The following KBTBD11 variants were observed in gnomAD, a reference collection of about 807,000 sequenced individuals.
KBTBD11 encodes the protein kelch repeat and BTB domain-containing protein 11.
For synonymous variants in KBTBD11, 747 were observed against 499.0 expected (o/e 1.50, Z -6.63); for missense variants, 1,390 against 1,001.8 (o/e 1.39, Z -5.23).
intron 1 of KBTBD11, among the ~76,000 whole-genome samples, chr8:1,986,829 ATGTTATCG>A (rs1252479465): frequency 6.6e-6 from 1 of 152,088 alleles, no homozygotes; most frequent in Non-Finnish European, 1.5e-5. Context: ...GATTTAATAC[ATGTTATCG>A]TTTTGCCACT....
intron 1 of KBTBD11, among the ~76,000 whole-genome samples, chr8:1,990,140 C>A (rs1242581668): frequency 1.3e-5 from 2 of 152,206 alleles, no homozygotes; most frequent in African/African-American, 2.4e-5. Context: ...AGCTGTGAGA[C>A]TGAAATGGGA....
chr8:2,001,765 C>A lies in KBTBD11; in HGVS notation c.573C>A (p.Ala191=). Residue 191 remains alanine (A), a synonymous_variant, in exon 2 of 2, where the codon GCC becomes GCA. Coordinates refer to ENST00000320248, the MANE Select transcript of KBTBD11 (RefSeq NM_014867.3). ...LTALRLLLAD[A]YSGRMAGVRP... is the part of the protein sequence containing the mutation. The stretch of plus-strand genomic sequence containing the variant: ...CGCTGCGGCTGCTCCTCGCCGACGC[C>A]TACAGCGGGCGCATGGCGGGCGTGC... The A allele has an allele frequency of 7.7e-7, 1 of 1,291,696 alleles. No homozygotes were observed. The highest frequency in any genetic ancestry group is 9.8e-7 in the Non-Finnish European group (1 of 1,022,542). 80.0% of individuals were successfully genotyped at this position (1,291,696 alleles called of 1,614,324 possible).
At chr8:1,986,551 T>A (rs1191691333) in intron 1 of KBTBD11, among the ~76,000 whole-genome samples, 1 of 152,184 alleles carries the variant, frequency 6.6e-6, no homozygotes, top group Non-Finnish European at 1.5e-5. Flanking sequence ...AAACACGAGT[T>A]TTTATTTAGA....
At chr8:1,996,558 G>C (rs373111772) in intron 1 of KBTBD11, among the ~76,000 whole-genome samples, 1 of 152,146 alleles carries the variant, frequency 6.6e-6, no homozygotes, top group South Asian at 2.1e-4. Flanking sequence ...TTGAGCCACC[G>C]CGCCTGGCTG....
rs371725635 is a variant in KBTBD11 at position 1,976,690 on chromosome 8, A to G, written c.-909+2755A>G. ...TAATACAGTGAAAGGCATTCAGCAT[A>G]TAATTACGTTAATTCTTAGGTAATA... On this transcript the variant is annotated intron_variant, in intron 1 of 1. Transcript: ENST00000320248. 1.5e-4 allele frequency among the ~76,000 whole-genome samples: 23 copies of G among 152,200 alleles called. 1 individual carries two copies. The highest frequency in any genetic ancestry group is 1.0e-3 in the Admixed American group (16 of 15,278).
At chr8:1,993,358 GGTCCATCC>G (rs1312685496) in intron 1 of KBTBD11, among the ~76,000 whole-genome samples, 2 of 149,802 alleles carry the variant, frequency 1.3e-5, no homozygotes, top group Admixed American at 6.6e-5. Flanking sequence ...TCCATCCATC[GGTCCATCC>G]GTCCGTCCGT....
intron 1 of KBTBD11, among the ~76,000 whole-genome samples, chr8:1,979,205 T>C (rs1445206108): frequency 6.6e-6 from 1 of 152,208 alleles, no homozygotes; most frequent in Non-Finnish European, 1.5e-5. Context: ...AGTGCTGGCA[T>C]TGCAGTCCCT....
chr8:2,005,943 C>G lies in KBTBD11; in HGVS notation c.*2879C>G, dbSNP rs776103622. ...AGAGGAATGAGCTTGAGCCTTCCTC[C>G]TTTTCCTTCCGGTTTTATTCTTCCT... On this transcript the variant is annotated 3_prime_UTR_variant, in exon 2 of 2. Transcript: ENST00000320248. 5.4e-5 allele frequency: 9 copies of G among 167,096 alleles called. No homozygotes were observed. The highest frequency in any genetic ancestry group is 8.8e-5 in the Non-Finnish European group (6 of 68,122). 10.4% of individuals were successfully genotyped at this position (167,096 alleles called of 1,614,324 possible).
rs1817488808 is a variant in KBTBD11, at chr8:2,003,814, A to T, written c.*750A>T. ...TGTAGCGATGATTTACCATTATTTAAATTTTAAGTCTTCAGTGGCTAAATG... is the reference window on the plus strand; with the variant it reads ...TGTAGCGATGATTTACCATTATTTATATTTTAAGTCTTCAGTGGCTAAATG... On this transcript the variant is annotated 3_prime_UTR_variant, in exon 2 of 2. Transcript: ENST00000320248. 1.2e-5 allele frequency: 2 copies of T among 166,960 alleles called. No individual in the cohort carries two copies. Among genetic ancestry groups the T allele is most frequent in the Admixed American group, 6.5e-5 (1 of 15,284 alleles). 10.3% of individuals were successfully genotyped at this position (166,960 alleles called of 1,614,324 possible). A position where few individuals can be genotyped will look rare whatever the true frequency, so the allele number is the denominator to read the frequency against.
chr8:1,975,247 T>A (rs1816294818), intron 1 of KBTBD11: 1 of 152,226 alleles, frequency 6.6e-6, no homozygotes, highest in Non-Finnish European at 1.5e-5. Context: ...CTTTGAACTT[T>A]CCATGTCAGT....
intron 1 of KBTBD11, among the ~76,000 whole-genome samples, chr8:1,993,956 C>CAAAAAAAA (rs1232461341): frequency 1.3e-5 from 2 of 150,674 alleles, no homozygotes; most frequent in South Asian, 2.2e-4. Context: ...CACACACACA[C>CAAAAAAAA]ACAAAACCCC....
Position 2,002,655 on chromosome 8 carries a change from G to T in KBTBD11, c.1463G>T (p.Ser488Ile), listed in dbSNP as rs1381005000. The T allele has an allele frequency of 1.3e-6, 2 of 1,575,798 alleles. No individual in the cohort carries two copies. The highest frequency in any genetic ancestry group is 2.3e-5 in the South Asian group (2 of 87,364). The change falls in exon 2 of 2, where the codon AGC becomes ATC. Residue 488 changes from serine to isoleucine, a missense_variant. By Grantham distance (142) the Ser-to-Ile change is moderately radical (BLOSUM62 -2). Coordinates refer to ENST00000320248, the MANE Select transcript of KBTBD11 (RefSeq NM_014867.3). The surrounding 1 kb of genome is among the most constrained non-coding windows in gnomAD (Gnocchi z 4.1). Reference sequence around the variant, plus strand: ...TGGCAGGAGTGCCCGTGCAGCAGCAGCCGCGAGCGCTCGGCCGACATGGTG... The same window carrying T: ...TGGCAGGAGTGCCCGTGCAGCAGCATCCGCGAGCGCTCGGCCGACATGGTG... ...DEWQECPCSS[S>I]RERSADMVAL...
At chr8:1,989,705 G>A (rs1314667827) in intron 1 of KBTBD11, among the ~76,000 whole-genome samples, 2 of 152,156 alleles carry the variant, frequency 1.3e-5, no homozygotes, top group Non-Finnish European at 2.9e-5. Context: ...AGCAGGCAGT[G>A]GTTAAGGGGC....
rs1254870834 is a variant in KBTBD11 at position 2,002,418 on chromosome 8, C to T, written c.1226C>T (p.Ala409Val). The stretch of plus-strand genomic sequence containing the variant: ...GCGCGCTCGCAGCTGCGGCTGCTGG[C>T]CCTGGACGGTCACCTCTACGCCGTG... The part of the protein sequence containing the change: ...RQARSQLRLL[A>V]LDGHLYAVGG... The change falls in exon 2 of 2, where the codon GCC becomes GTC. Residue 409 changes from alanine to valine, a missense_variant. Physicochemically the swap from Ala to Val is moderately conservative, Grantham distance 64. Transcript: ENST00000320248. This position sits in a 1 kb window ranked among gnomAD's most constrained non-coding sequence, Gnocchi z 4.1. 1.0e-5 allele frequency: 15 copies of T among 1,492,542 alleles called. No homozygotes were observed. Among genetic ancestry groups the T allele is most frequent in the African/African-American group, 1.5e-5 (1 of 68,532 alleles). The allele number at this position is 1,492,542 out of a possible 1,614,324, so 92.5% of individuals were successfully genotyped here.
rs1391701219 is a variant in KBTBD11, at chr8:2,001,375, G to T, written c.183G>T (p.Ala61=). 6.8e-7 allele frequency: 1 copy of T among 1,468,586 alleles called. No homozygotes were observed. Among genetic ancestry groups the T allele is most frequent in the South Asian group, 1.3e-5 (1 of 76,790 alleles). The allele number at this position is 1,468,586 out of a possible 1,614,324, so 91.0% of individuals were successfully genotyped here. ...CCCTCGCCTCAGCGGCGGAAGGCGC[G>T]GCCACCTCCCCGCCCTCCAGCGGTG... ...PQSLASAAEG[A]ATSPPSSGGP... The change falls in exon 2 of 2, where the codon GCG becomes GCT. Residue 61 remains alanine, a synonymous_variant. Transcript: ENST00000320248.
At chr8:1,984,112 C>G (rs1816631394) in intron 1 of KBTBD11, among the ~76,000 whole-genome samples, 1 of 151,870 alleles carries the variant, frequency 6.6e-6, no homozygotes, top group African/African-American at 2.4e-5. Context: ...ACAAGAGCGA[C>G]CGTCTGAAAA....
intron 1 of KBTBD11, chr8:1,974,497 A>T: frequency 1.0e-6 from 1 of 982,432 alleles, no homozygotes; most frequent in Non-Finnish European, 1.2e-6. Flanking sequence ...TCTCTCCTGG[A>T]CTCGGGGCCC....
chr8:1,986,835 T>C (rs1433037403), intron 1 of KBTBD11, among the ~76,000 whole-genome samples: 4 of 152,068 alleles, frequency 2.6e-5, no homozygotes, highest in Non-Finnish European at 2.9e-5. Flanking sequence ...ATACATGTTA[T>C]CGTTTTGCCA....
intron 1 of KBTBD11, among the ~76,000 whole-genome samples, chr8:1,985,399 G>C (rs1478086184): frequency 1.3e-5 from 2 of 152,242 alleles, no homozygotes; most frequent in African/African-American, 4.8e-5. Flanking sequence ...ATGCGCTTAG[G>C]GGTTCCCCCT....
Sources: allele counts gnomAD v4.1 joint callset (sites outside exome capture counted in the v4.1 genomes callset), GRCh38; gene constraint gnomAD v4.1.1; non-coding constraint Gnocchi (gnomAD v3.1); transcripts MANE v1.5; gene names NCBI Gene and HGNC (gene_info 2026-07-23, HGNC 2026-07-21).